The following GRM4 variants were observed in gnomAD, a reference collection of about 807,000 sequenced individuals.
GRM4 encodes glutamate metabotropic receptor 4, also known as metabotropic glutamate receptor 4.
A neutral mutation model predicts 81.7 loss-of-function variants in GRM4; 28 were observed. The ratio of observed to expected loss-of-function variants is 0.34; its 90% confidence interval spans 0.25 to 0.47. GRM4 has a LOEUF of 0.47. Ranked by LOEUF, GRM4 falls within the 20% of genes least tolerant of loss-of-function variation. GRM4 has a pLI of 1.00. For synonymous variants in GRM4, 488 were observed against 528.8 expected, an observed-to-expected ratio of 0.92 and a Z score of 1.06; for missense variants, 948 against 1,290.0, an observed-to-expected ratio of 0.73 and a Z score of 4.06.
At chr6:34,135,223 G>C (rs1027661950) in intron 1 of GRM4, among the ~76,000 whole-genome samples, 1 of 152,130 alleles carries the variant, frequency 6.6e-6, no homozygotes, top group African/African-American at 2.4e-5. Flanking sequence ...CAGAATCCCT[G>C]ACTGCTCCAG....
chr6:34,026,046 G>A (rs903536631), intron 10 of GRM4, among the ~76,000 whole-genome samples: 8 of 152,320 alleles, frequency 5.3e-5, no homozygotes, highest in East Asian at 1.9e-4. Flanking sequence ...TTCAGTTGCC[G>A]GAGGCGCAGA....
Position 34,035,623 on chromosome 6 carries a change from C to G in GRM4, c.2442+45G>C, listed in dbSNP as rs940891778. The G allele has an allele frequency of 1.6e-6, 2 of 1,258,824 alleles. No homozygotes were observed. 78.0% of individuals were successfully genotyped at this position (1,258,824 alleles called of 1,614,324 possible). ...GCCTCAGGAGGCTGCCCCTTGCTCA[C>G]TGCCCTCACCTACCCACCGTCCACC... On this transcript the variant is annotated intron_variant, in intron 9 of 10. Transcript: ENST00000538487. This position sits in a 1 kb window ranked among gnomAD's most constrained non-coding sequence, Gnocchi z 6.6.
In GRM4 at chr6:34,064,012, C is replaced by T. The variant is rs961857242; in HGVS notation, c.737-1984G>A. Among the ~76,000 whole-genome samples, 3 of 152,276 alleles carry T rather than the reference C, an allele frequency of 2.0e-5. No homozygotes were observed. Among genetic ancestry groups the T allele is most frequent in the East Asian group, 1.9e-4 (1 of 5,182 alleles). ...TCTGAGATGCTCCTCTAAGAGGATC[C>T]GCGTGATGGTCTTGCCTGGCACCTC... is the stretch of plus-strand genomic sequence containing the variant. On this transcript the variant is annotated intron_variant, in intron 3 of 10. Transcript: ENST00000538487. The surrounding 1 kb of genome is among the most constrained non-coding windows in gnomAD (Gnocchi z 4.4).
At chr6:34,083,895 C>T (rs1245119666) in intron 3 of GRM4, among the ~76,000 whole-genome samples, 1 of 152,182 alleles carries the variant, frequency 6.6e-6, no homozygotes, top group Non-Finnish European at 1.5e-5. Flanking sequence ...TTGCATGCTC[C>T]AGGCACTGCC....
chr6:34,028,108 C>T lies in GRM4; in HGVS notation c.2689+12G>A, dbSNP rs1764223393. On this transcript the variant is annotated intron_variant, in intron 10 of 10. Coordinates refer to ENST00000538487, the MANE Select transcript of GRM4 (RefSeq NM_000841.4). ...TGGGGCCCGAGAGGGCAGAACGGGG[C>T]CAGGCACTCACCTGGGGCCTCAAGG... is the stretch of plus-strand genomic sequence containing the variant. 1.2e-6 allele frequency: 2 copies of T among 1,606,624 alleles called. No homozygotes were observed. The highest frequency in any genetic ancestry group is 1.7e-6 in the Non-Finnish European group (2 of 1,175,846).
intron 1 of GRM4, among the ~76,000 whole-genome samples, chr6:34,135,309 T>C (rs1454043780): frequency 6.6e-6 from 1 of 152,232 alleles, no homozygotes; most frequent in African/African-American, 2.4e-5. Flanking sequence ...TCCAGCCTTC[T>C]AGACCCTCAT....
rs1191968092 is a variant in GRM4, at chr6:34,121,384, C to G, written c.519+11594G>C. Reference sequence around the variant, plus strand: ...GAGAAGACTGCACTGAACATAAACACCACCCTCTCCAGGGCCCTGACAGAG... The same window carrying G: ...GAGAAGACTGCACTGAACATAAACAGCACCCTCTCCAGGGCCCTGACAGAG... On this transcript the variant is annotated intron_variant, in intron 2 of 10. Transcript: ENST00000538487. This position sits in a 1 kb window ranked among gnomAD's most constrained non-coding sequence, Gnocchi z 4.6. Among the ~76,000 whole-genome samples the G allele has an allele frequency of 2.0e-5, 3 of 152,184 alleles. No individual in the cohort carries two copies. The highest frequency in any genetic ancestry group is 4.4e-5 in the Non-Finnish European group (3 of 68,030).
chr6:34,083,215 G>T (rs979070380), intron 3 of GRM4, among the ~76,000 whole-genome samples: 1 of 152,130 alleles, frequency 6.6e-6, no homozygotes, highest in Non-Finnish European at 1.5e-5. Context: ...AAAAGTGGCC[G>T]CACTGAAAGA....
At chr6:34,118,754 G>A (rs1206053707) in intron 2 of GRM4, among the ~76,000 whole-genome samples, 1 of 152,122 alleles carries the variant, frequency 6.6e-6, no homozygotes, top group African/African-American at 2.4e-5. Flanking sequence ...TAATTCCCAA[G>A]GTGCACATAA....
At chr6:34,088,056 C>G (rs879321238) in intron 3 of GRM4, among the ~76,000 whole-genome samples, 7 of 152,134 alleles carry the variant, frequency 4.6e-5, no homozygotes, top group African/African-American at 1.7e-4. Flanking sequence ...GGGACCCAGG[C>G]AGCCAGACCC....
Position 34,040,572 on chromosome 6 carries a change from A to T in GRM4, c.1345T>A (p.Tyr449Asn). The T allele has an allele frequency of 6.2e-7, 1 of 1,613,826 alleles. No homozygotes were observed. The highest frequency in any genetic ancestry group is 8.5e-7 in the Non-Finnish European group (1 of 1,179,846). ...CCTGAGAAGTTGACGTTTCGGATGT[A>T]CTTAAGCAGCTGGGTGCCATCTACA... ...DPVDGTQLLK[Y>N]IRNVNFSGIA... is the part of the protein sequence containing the mutation. Residue 449 changes from tyrosine (Y) to asparagine (N), a missense_variant, in exon 7 of 11, where the codon TAC (tyrosine) becomes AAC (asparagine). Coordinates refer to ENST00000538487, the MANE Select transcript of GRM4 (RefSeq NM_000841.4).
chr6:34,036,524 C>T lies in GRM4; in HGVS notation c.1586G>A (p.Arg529Gln), dbSNP rs201158537. 2.0e-5 allele frequency: 33 copies of T among 1,611,830 alleles called. No individual in the cohort carries two copies. Among genetic ancestry groups the T allele is most frequent in the Admixed American group, 6.7e-5 (4 of 60,014 alleles). Residue 529 changes from arginine (R) to glutamine (Q), a missense_variant, in exon 9 of 11, where the codon CGG (arginine) becomes CAG (glutamine). By Grantham distance (43) the Arg-to-Gln change is conservative. Coordinates refer to ENST00000538487, the MANE Select transcript of GRM4 (RefSeq NM_000841.4). This position sits in a 1 kb window ranked among gnomAD's most constrained non-coding sequence, Gnocchi z 9.0. ...AGGCATGCCCTTCACTGTCTTCTTC[C>T]GCTCACCCGGTTGGCAGGGCAGGCT... ...ICSLPCQPGE[R>Q]KKTVKGMPCC...
At chr6:34,043,537 G>A (rs1450923832) in intron 6 of GRM4, among the ~76,000 whole-genome samples, 7 of 152,304 alleles carry the variant, frequency 4.6e-5, no homozygotes, top group African/African-American at 4.8e-5. Context: ...ATTAACCAGG[G>A]ATGGAGTGGG....
intron 1 of GRM4, among the ~76,000 whole-genome samples, chr6:34,145,464 G>A (rs958593193): frequency 6.6e-6 from 1 of 152,242 alleles, no homozygotes; most frequent in Non-Finnish European, 1.5e-5. Context: ...CTCCGGGCTG[G>A]GAAGGGAGCG....
At chr6:34,141,483 T>C (rs1770689146) in intron 1 of GRM4, among the ~76,000 whole-genome samples, 2 of 152,352 alleles carry the variant, frequency 1.3e-5, no homozygotes, top group Non-Finnish European at 1.5e-5. Flanking sequence ...ATTTATTTAA[T>C]ATACGTGTGT....
intron 6 of GRM4, among the ~76,000 whole-genome samples, chr6:34,044,609 C>T (rs1581609700): frequency 6.9e-6 from 1 of 145,962 alleles, no homozygotes; most frequent in Non-Finnish European, 1.5e-5. Context: ...CATAGACATA[C>T]ATACATACAC....
intron 6 of GRM4, chr6:34,054,364 G>A (rs1293839333): frequency 1.3e-5 from 2 of 151,762 alleles, no homozygotes; most frequent in Non-Finnish European, 2.9e-5. Context: ...GTTTCAGCAT[G>A]TTGACCAAGC....
In GRM4 at chr6:34,069,956, C is replaced by T. The variant is rs1398344973; in HGVS notation, c.737-7928G>A. ...TGGGGTCTTTCTGCCTGGGGCCTTA[C>T]AGAGCCCAGGACACGTGCGGGGCCT... On this transcript the variant is annotated intron_variant, in intron 3 of 10. Transcript: ENST00000538487. The surrounding 1 kb of genome is among the most constrained non-coding windows in gnomAD (Gnocchi z 6.4). Among the ~76,000 whole-genome samples, 1 of 152,172 alleles carries T rather than the reference C, an allele frequency of 6.6e-6. No homozygotes were observed. The highest frequency in any genetic ancestry group is 6.5e-5 in the Admixed American group (1 of 15,290).
Position 34,047,798 on chromosome 6 carries a change from C to T in GRM4, c.1169-7050G>A, listed in dbSNP as rs1765426918. On this transcript the variant is annotated intron_variant, in intron 6 of 10. Coordinates refer to ENST00000538487, the MANE Select transcript of GRM4 (RefSeq NM_000841.4). The surrounding 1 kb of genome is among the most constrained non-coding windows in gnomAD (Gnocchi z 4.5). ...ACTGAGGCCTGAGGAGGTGAAGCAG[C>T]TTACCCAGTGGGAGTCGATTCTTGA... Among the ~76,000 whole-genome samples the T allele has an allele frequency of 6.6e-6, 1 of 152,186 alleles. No homozygotes were observed. The highest frequency in any genetic ancestry group is 1.5e-5 in the Non-Finnish European group (1 of 68,036).
Sources: allele counts gnomAD v4.1 joint callset (sites outside exome capture counted in the v4.1 genomes callset), GRCh38; gene constraint gnomAD v4.1.1; non-coding constraint Gnocchi (gnomAD v3.1); transcripts MANE v1.5; gene names NCBI Gene and HGNC (gene_info 2026-07-23, HGNC 2026-07-21).